The following LYPLA1 variants were observed in gnomAD, a reference collection of about 807,000 sequenced individuals.
LYPLA1 encodes the protein acyl-protein thioesterase 1.
In LYPLA1, 17 loss-of-function variants were observed where a neutral mutation model predicts 34.0. That is an observed-to-expected ratio of 0.50 (90% CI 0.34 to 0.75). The LOEUF (loss-of-function observed/expected upper bound fraction) is 0.75, where lower values mean the gene tolerates loss of function less well. Ranked by LOEUF, LYPLA1 falls within the 30% of genes least tolerant of loss-of-function variation. The probability of loss-of-function intolerance (pLI) is 0.01; values close to 1 mark genes in which losing one functional copy is unlikely to be tolerated. For missense variants in LYPLA1, 203 were observed against 288.8 expected (o/e 0.70, Z 2.15); for synonymous variants, 98 against 100.8 (o/e 0.97, Z 0.17).
intron 1 of LYPLA1, 155 bp downstream of exon 1, chr8:54,101,600 G>T: frequency 1.7e-6 from 2 of 1,152,420 alleles, no homozygotes; most frequent in Non-Finnish European, 2.1e-6. Flanking sequence ...GCCCCCCGCG[G>T]ACCCGGCCGC....
chr8:54,051,946 G>A (rs530293483), intron 7 of LYPLA1, among the ~76,000 whole-genome samples: 208 of 151,612 alleles, frequency 1.4e-3, no homozygotes, highest in African/African-American at 3.7e-3. Context: ...CACCTCCTGG[G>A]TTCAAGTGAT....
chr8:54,045,695 T>C (rs1191535836), downstream of LYPLA1: 1 of 152,102 alleles, frequency 6.6e-6, no homozygotes, highest in African/African-American at 2.4e-5. Context: ...GAAGTCAATG[T>C]TGAAATAAAG....
In LYPLA1 at chr8:54,053,645, C is replaced by T. The variant is rs562815370; in HGVS notation, c.361-889G>A. The T allele has an allele frequency of 5.3e-4, 240 of 456,246 alleles. 2 individuals are homozygous for T. The highest frequency in any genetic ancestry group is 6.5e-4 in the Middle Eastern group (2 of 3,076). 28.3% of individuals were successfully genotyped at this position (456,246 alleles called of 1,614,324 possible). A position where few individuals can be genotyped will look rare whatever the true frequency, so the allele number is the denominator to read the frequency against. ...TGTGGAAATGGGATTCGATGACCAC[C>T]AGTCACTCTCTGTGTGGCTACACCT... On this transcript the variant is annotated intron_variant, in intron 6 of 8. Transcript: ENST00000316963.
At chr8:54,067,853 T>A (rs1807186790) in intron 2 of LYPLA1, among the ~76,000 whole-genome samples, 1 of 151,862 alleles carries the variant, frequency 6.6e-6, no homozygotes, top group Non-Finnish European at 1.5e-5. Context: ...CAGCTAAATT[T>A]TTTTTTTGTA....
intron 2 of LYPLA1, among the ~76,000 whole-genome samples, chr8:54,092,237 GAGAA>G (rs1809343325): frequency 6.6e-6 from 1 of 151,010 alleles, no homozygotes; most frequent in South Asian, 2.1e-4. Flanking sequence ...GGAGGAGAAG[GAGAA>G]AGAAGGAAGA....
intron 2 of LYPLA1, among the ~76,000 whole-genome samples, chr8:54,074,166 TG>T (rs1807711322): frequency 6.6e-6 from 1 of 152,086 alleles, no homozygotes; most frequent in Non-Finnish European, 1.5e-5. Flanking sequence ...CCCAGCTACT[TG>T]GGAGACTGAG....
intron 2 of LYPLA1, among the ~76,000 whole-genome samples, chr8:54,080,666 C>T (rs1222316816): frequency 2.0e-5 from 3 of 152,160 alleles, no homozygotes. Context: ...CGGTTCACTG[C>T]AACCTCCGCC....
chr8:54,072,743 C>T (rs1054512484), intron 2 of LYPLA1, among the ~76,000 whole-genome samples: 4 of 151,968 alleles, frequency 2.6e-5, no homozygotes, highest in Admixed American at 6.6e-5. Context: ...CTTTGGGTAG[C>T]GGAGGCGGGC....
chr8:54,061,899 A>T (rs1806661090), intron 5 of LYPLA1, among the ~76,000 whole-genome samples: 1 of 152,186 alleles, frequency 6.6e-6, no homozygotes, highest in South Asian at 2.1e-4. Context: ...CTGGTTGCCC[A>T]GGCTGGAGCG....
intron 2 of LYPLA1, chr8:54,073,474 G>A (rs1807654069): frequency 2.0e-5 from 15 of 760,212 alleles, no homozygotes; most frequent in South Asian, 1.8e-4. Context: ...GTGATGTATG[G>A]CATCTCATAG....
intron 7 of LYPLA1, 90 bp from the exon 8 acceptor site, chr8:54,051,278 T>A: frequency 7.6e-6 from 8 of 1,050,376 alleles, no homozygotes; most frequent in Non-Finnish European, 1.1e-5. Context: ...AATATGCATA[T>A]ATATAACATA....
At chr8:54,086,726 G>A (rs1808817413) in intron 2 of LYPLA1, among the ~76,000 whole-genome samples, 2 of 152,012 alleles carry the variant, frequency 1.3e-5, no homozygotes, top group Admixed American at 6.6e-5. Context: ...AGCCAGGCAT[G>A]GTGGTGTGCA....
At chr8:54,076,994 T>C (rs1807957122) in intron 2 of LYPLA1, among the ~76,000 whole-genome samples, 1 of 152,168 alleles carries the variant, frequency 6.6e-6, no homozygotes, top group South Asian at 2.1e-4. Flanking sequence ...AGGGTCTCCC[T>C]GACAGAGCTG....
intron 2 of LYPLA1, among the ~76,000 whole-genome samples, chr8:54,076,945 C>G (rs549373146): frequency 2.6e-5 from 4 of 152,122 alleles, no homozygotes; most frequent in Non-Finnish European, 5.9e-5. Context: ...CTCTATATTT[C>G]TGTGTGTGTG....
intron 2 of LYPLA1, among the ~76,000 whole-genome samples, chr8:54,076,364 C>T (rs1351712289): frequency 6.6e-6 from 1 of 152,174 alleles, no homozygotes; most frequent in Admixed American, 6.5e-5. Context: ...CACTTGGAAG[C>T]TCTGTGATTT....
intron 2 of LYPLA1, among the ~76,000 whole-genome samples, chr8:54,070,505 C>G (rs1005540099): frequency 6.6e-6 from 1 of 152,156 alleles, no homozygotes; most frequent in African/African-American, 2.4e-5. Flanking sequence ...TGGCAGATCA[C>G]CTGAGGTCAG....
intron 2 of LYPLA1, among the ~76,000 whole-genome samples, chr8:54,077,108 A>T (rs578242055): frequency 6.4e-4 from 97 of 152,288 alleles, no homozygotes; most frequent in African/African-American, 2.2e-3. Flanking sequence ...ATCAGCGGCA[A>T]ACGGGATAAA....
At chr8:54,087,490 A>C (rs1437088859) in intron 2 of LYPLA1, among the ~76,000 whole-genome samples, 1 of 152,156 alleles carries the variant, frequency 6.6e-6, no homozygotes, top group Non-Finnish European at 1.5e-5. Context: ...ACAGGGCAAT[A>C]CTCTGTCTGA....
intron 2 of LYPLA1, among the ~76,000 whole-genome samples, chr8:54,089,062 G>A (rs945003132): frequency 6.6e-6 from 1 of 152,212 alleles, no homozygotes; most frequent in African/African-American, 2.4e-5. Context: ...CCAGGGAGGG[G>A]AATAAGTAGT....
Sources: gnomAD v4.1 joint callset for allele counts (sites outside exome capture counted in the v4.1 genomes callset) on GRCh38, gnomAD v4.1.1 for gene constraint, MANE v1.5 for transcripts, NCBI Gene and HGNC (gene_info 2026-07-23, HGNC 2026-07-21) for gene names.